The following RRAS2 variants were observed in gnomAD, a reference collection of about 807,000 sequenced individuals.
RRAS2 encodes the protein RAS related 2, also known as ras-related protein R-Ras2.
RRAS2 carries 7 observed loss-of-function variants against 27.6 expected under a neutral mutation model. That is an observed-to-expected ratio of 0.25 (90% confidence interval 0.14 to 0.48). The LOEUF (loss-of-function observed/expected upper bound fraction) is 0.48, where lower values mean the gene tolerates loss of function less well. RRAS2 is among the 20% of genes least tolerant of loss of function. The pLI, the probability that RRAS2 is intolerant of heterozygous loss-of-function variation, is 0.99. For missense variants in RRAS2, 178 were observed against 256.2 expected, an observed-to-expected ratio of 0.69 and a Z score of 2.08; for synonymous variants, 86 against 90.9, an observed-to-expected ratio of 0.95 and a Z score of 0.31.
intron 1 of RRAS2, among the ~76,000 whole-genome samples, chr11:14,346,878 G>A (rs969409749): frequency 2.0e-5 from 3 of 152,136 alleles, no homozygotes; most frequent in African/African-American, 7.2e-5. Context: ...AAAAAGGCCA[G>A]GCACAGTGGT....
At chr11:14,362,172 A>G (rs1849198028), upstream of RRAS2, among the ~76,000 whole-genome samples, 1 of 152,204 alleles carries the variant, frequency 6.6e-6, no homozygotes, top group African/African-American at 2.4e-5. Flanking sequence ...CTCTGTAAAT[A>G]TACTAAAAAC....
At chr11:14,350,958 T>G (rs1554954687) in intron 1 of RRAS2, among the ~76,000 whole-genome samples, 1 of 152,206 alleles carries the variant, frequency 6.6e-6, no homozygotes, top group Non-Finnish European at 1.5e-5. Context: ...GCTTGTTAAT[T>G]TTTGTAATTA....
In RRAS2 at chr11:14,359,095, G is replaced by A; in HGVS notation, c.-225C>T. ...GAAGCGGGGTGACGGCACGGGCCAG[G>A]GGCGGCAGCGGCCGGGGGGCGCGCT... On this transcript the variant is annotated 5_prime_UTR_variant, in exon 1 of 6. Coordinates refer to ENST00000256196, the MANE Select transcript of RRAS2 (RefSeq NM_012250.6). 9.3e-7 allele frequency: 1 copy of A among 1,072,940 alleles called. No individual in the cohort carries two copies. 66.5% of individuals were successfully genotyped at this position (1,072,940 alleles called of 1,614,324 possible).
Position 14,358,910 on chromosome 11 carries a change from C to A in RRAS2, c.-40G>T. 7.6e-7 allele frequency: 1 copy of A among 1,314,518 alleles called. No individual in the cohort carries two copies. The highest frequency in any genetic ancestry group is 9.8e-7 in the Non-Finnish European group (1 of 1,020,714). The allele number at this position is 1,314,518 out of a possible 1,614,324, so 81.4% of individuals were successfully genotyped here. A position where few individuals can be genotyped will look rare whatever the true frequency, so the allele number is the denominator to read the frequency against. On this transcript the variant is annotated 5_prime_UTR_variant, in exon 1 of 6. Coordinates refer to ENST00000256196, the MANE Select transcript of RRAS2 (RefSeq NM_012250.6). The surrounding 1 kb of genome is among the most constrained non-coding windows in gnomAD (Gnocchi z 5.1). ...GCCCAGCCTGACTGCGCCGAGCCGC[C>A]GCTGCCGCCCGCCCTAGGCCCGGCT...
Position 14,312,936 on chromosome 11 carries a change from C to T in RRAS2, c.109-17081G>A, listed in dbSNP as rs541482989. 4.2e-4 allele frequency among the ~76,000 whole-genome samples: 64 copies of T among 152,294 alleles called. 3 individuals carry two copies. The South Asian group carries it at 0.012, about 29-fold the overall frequency. On this transcript the variant is annotated intron_variant, in intron 1 of 5. Coordinates refer to ENST00000256196, the MANE Select transcript of RRAS2 (RefSeq NM_012250.6). Reference sequence around the variant, plus strand: ...CCCTCCAAACCACATGCCTGGAGGCCGGGCCAGCACTTCTCTGAAAGTGGC... The same window carrying T: ...CCCTCCAAACCACATGCCTGGAGGCTGGGCCAGCACTTCTCTGAAAGTGGC...
chr11:14,320,435 C>CA (rs1270056851), intron 1 of RRAS2, among the ~76,000 whole-genome samples: 4 of 152,104 alleles, frequency 2.6e-5, no homozygotes, highest in East Asian at 1.9e-4. Context: ...GTAATCAAGA[C>CA]AAAAAATTTT....
intron 1 of RRAS2, among the ~76,000 whole-genome samples, chr11:14,329,994 C>T (rs1279175562): frequency 6.6e-6 from 1 of 152,090 alleles, no homozygotes; most frequent in Non-Finnish European, 1.5e-5. Flanking sequence ...TGGACTGCTT[C>T]AGCCCAAGAG....
chr11:14,286,234 T>C (rs1430531530), intron 4 of RRAS2, among the ~76,000 whole-genome samples: 1 of 152,236 alleles, frequency 6.6e-6, no homozygotes, highest in Non-Finnish European at 1.5e-5. Context: ...TTGTGGGTCA[T>C]ATTTTCTTGC....
chr11:14,289,043 C>G (rs782202470), intron 4 of RRAS2, among the ~76,000 whole-genome samples: 1 of 152,184 alleles, frequency 6.6e-6, no homozygotes, highest in Admixed American at 6.5e-5. Flanking sequence ...ATAGTACCTA[C>G]ACCTACATTC....
chr11:14,320,243 T>C (rs1848195760), intron 1 of RRAS2, among the ~76,000 whole-genome samples: 1 of 152,196 alleles, frequency 6.6e-6, no homozygotes, highest in South Asian at 2.1e-4. Context: ...GAGTGAAACA[T>C]ACAAGCAACT....
intron 1 of RRAS2, among the ~76,000 whole-genome samples, chr11:14,322,168 C>G (rs1021857951): frequency 2.6e-5 from 4 of 151,932 alleles, no homozygotes; most frequent in African/African-American, 7.3e-5. Context: ...CAGTGGCTCA[C>G]ACCTGTAATC....
intron 1 of RRAS2, among the ~76,000 whole-genome samples, chr11:14,306,370 G>A (rs1393161091): frequency 6.6e-6 from 1 of 152,094 alleles, no homozygotes; most frequent in African/African-American, 2.4e-5. Flanking sequence ...ATCCCACTAT[G>A]TTGTCCAGGC....
rs141362518 is a variant in RRAS2 at position 14,341,339 on chromosome 11, G to A, written c.108+17424C>T. 9.6e-3 allele frequency among the ~76,000 whole-genome samples: 1,455 copies of A among 152,108 alleles called. 11 individuals carry two copies. The highest frequency in any genetic ancestry group is 0.013 in the Non-Finnish European group (898 of 67,992). ...TACCTACAAATAGTGTTATGAATTCGGTGCTGAGAAAAGTTAAAGGCATTT... is the reference window on the plus strand; with the variant it reads ...TACCTACAAATAGTGTTATGAATTCAGTGCTGAGAAAAGTTAAAGGCATTT... On this transcript the variant is annotated intron_variant, in intron 1 of 5. Transcript: ENST00000256196.
Position 14,294,805 on chromosome 11 carries a change from G to C in RRAS2, c.254C>G (p.Thr85Ser), listed in dbSNP as rs782611291. 6.2e-7 allele frequency: 1 copy of C among 1,613,740 alleles called. No individual in the cohort carries two copies. ...AAAGACCAACAGGAAGCCTTCGCCA[G>C]TCCTCATATACTGTTCTCTCATGGC... The part of the protein sequence containing the change: ...FGAMREQYMR[T>S]GEGFLLVFSV... The change falls in exon 3 of 6, where the codon ACT becomes AGT. Residue 85 changes from threonine (T) to serine (S), a missense_variant. Transcript: ENST00000256196.
intron 1 of RRAS2, among the ~76,000 whole-genome samples, chr11:14,327,880 T>C (rs1338342924): frequency 1.3e-5 from 2 of 152,180 alleles, no homozygotes; most frequent in Non-Finnish European, 2.9e-5. Flanking sequence ...TGAGAATGGA[T>C]GTTGTCTCTT....
At chr11:14,290,829 A>AG (rs1263459138) in intron 4 of RRAS2, among the ~76,000 whole-genome samples, 1 of 152,214 alleles carries the variant, frequency 6.6e-6, no homozygotes, top group Non-Finnish European at 1.5e-5. Flanking sequence ...TTGCTATTAA[A>AG]GAGGGGCAGA....
In RRAS2 at chr11:14,358,773, T is replaced by C. The variant is rs1554955843; in HGVS notation, c.98A>G (p.Gln33Arg). ...GGVGKSALTI[Q>R]FIQSYFVTDY... ...GCCCGCTCCAGGTACCTGGATGAAC[T>C]GGATGGTGAGCGCCGACTTGCCCAC... The change falls in exon 1 of 6, where the codon CAG (glutamine) becomes CGG (arginine). Residue 33 changes from glutamine (Q) to arginine (R), a missense_variant. Physicochemically the swap from Gln to Arg is conservative, Grantham distance 43 (BLOSUM62 1). Coordinates refer to ENST00000256196, the MANE Select transcript of RRAS2 (RefSeq NM_012250.6). This position sits in a 1 kb window ranked among gnomAD's most constrained non-coding sequence, Gnocchi z 5.1. The C allele has an allele frequency of 2.8e-6, 4 of 1,453,624 alleles. No individual in the cohort carries two copies. Among genetic ancestry groups the C allele is most frequent in the Non-Finnish European group, 3.7e-6 (4 of 1,092,744 alleles). The allele number at this position is 1,453,624 out of a possible 1,614,324, so 90.0% of individuals were successfully genotyped here.
chr11:14,297,373 A>G (rs1477875590), intron 1 of RRAS2, among the ~76,000 whole-genome samples: 1 of 152,234 alleles, frequency 6.6e-6, no homozygotes, highest in Non-Finnish European at 1.5e-5. Flanking sequence ...CTTGAAGAGG[A>G]CAGAAAAGAA....
intron 1 of RRAS2, among the ~76,000 whole-genome samples, chr11:14,339,307 A>G (rs1395430506): frequency 2.1e-4 from 15 of 71,894 alleles, no homozygotes; most frequent in Middle Eastern, 0.01. Flanking sequence ...GGGGGGGGGA[A>G]GAAAAAATCT....
Sources: gnomAD v4.1 joint callset for allele counts (sites outside exome capture counted in the v4.1 genomes callset) on GRCh38, gnomAD v4.1.1 for gene constraint, Gnocchi (gnomAD v3.1) non-coding constraint, MANE v1.5 for transcripts, NCBI Gene and HGNC (gene_info 2026-07-23, HGNC 2026-07-21) for gene names.